The following WNK2 variants were observed in gnomAD, a reference collection of about 807,000 sequenced individuals.
WNK2 encodes the protein WNK lysine deficient protein kinase 2, also known as serine/threonine-protein kinase WNK2.
WNK2 carries 67 observed loss-of-function variants against 192.1 expected under a neutral mutation model. The ratio of observed to expected loss-of-function variants is 0.35; its 90% CI spans 0.29 to 0.43. WNK2 has a LOEUF of 0.43. WNK2 is among the 20% of genes least tolerant of loss of function. The pLI, the probability that WNK2 is intolerant of heterozygous loss-of-function variation, is 1.00. For missense variants in WNK2, 2,698 were observed against 3,089.7 expected (o/e 0.87, Z 3.01); for synonymous variants, 1,439 against 1,393.9 (o/e 1.03, Z -0.72).
chr9:93,249,787 T>G (rs2132555566), intron 8 of WNK2, among the ~76,000 whole-genome samples: 1 of 152,204 alleles, frequency 6.6e-6, no homozygotes, highest in South Asian at 2.1e-4. Flanking sequence ...CAAAAACACT[T>G]TTACTTGTTC....
intron 16 of WNK2, among the ~76,000 whole-genome samples, chr9:93,265,737 G>A (rs1332473975): frequency 2.0e-5 from 3 of 152,232 alleles, no homozygotes; most frequent in Admixed American, 6.5e-5. Context: ...TGCGGCTGAC[G>A]CTTCCAGTGC....
At chr9:93,281,455 C>G (rs1417157036) in intron 19 of WNK2, among the ~76,000 whole-genome samples, 1 of 151,912 alleles carries the variant, frequency 6.6e-6, no homozygotes, top group African/African-American at 2.4e-5. Context: ...TTGTACACTG[C>G]CAGAGAGAGA....
chr9:93,307,037 T>G, intron 27 of WNK2: 2 of 612,690 alleles, frequency 3.3e-6, no homozygotes, highest in Non-Finnish European at 5.8e-6. Context: ...CTAGAGTTTG[T>G]GCGGTCTCGC....
intron 2 of WNK2, among the ~76,000 whole-genome samples, chr9:93,211,737 A>C (rs945679280): frequency 2.6e-5 from 4 of 151,894 alleles, no homozygotes; most frequent in Non-Finnish European, 5.9e-5. Flanking sequence ...TTACTCATCC[A>C]GTCACTCATA....
intron 2 of WNK2, among the ~76,000 whole-genome samples, chr9:93,220,919 T>G (rs1467295077): frequency 6.6e-6 from 1 of 152,230 alleles, no homozygotes; most frequent in Non-Finnish European, 1.5e-5. Flanking sequence ...CTTCTTTATC[T>G]TGGCCTTCAT....
intron 12 of WNK2, 60 bp from the exon 13 acceptor site, chr9:93,261,753 AC>A (rs1184815390): frequency 1.3e-6 from 2 of 1,532,948 alleles, no homozygotes; most frequent in Non-Finnish European, 1.8e-6. Flanking sequence ...ACACCTGGGC[AC>A]GGCCCCCTCA....
chr9:93,236,608 C>T lies in WNK2; in HGVS notation c.1234-1625C>T, dbSNP rs760293351. ...GCAGATTGCAAGCAGCACCTGGCCC[C>T]GCCCTGCTGCTTCTGAGTCCGGTTG... On this transcript the variant is annotated intron_variant, in intron 5 of 29. Transcript: ENST00000427277. Among the ~76,000 whole-genome samples the T allele has an allele frequency of 1.4e-4, 22 of 152,358 alleles. No homozygotes were observed. The South Asian group carries it at 2.7e-3, about 19-fold the overall frequency.
At chr9:93,221,067 G>A (rs963272258) in intron 2 of WNK2, among the ~76,000 whole-genome samples, 20 of 152,208 alleles carry the variant, frequency 1.3e-4, no homozygotes, top group Admixed American at 5.2e-4. Context: ...GGTGGGGAGG[G>A]CTCCTGCAGC....
chr9:93,293,133 G>T lies in WNK2; in HGVS notation c.5668G>T (p.Asp1890Tyr). 5 of 1,571,540 alleles carry T rather than the reference G, an allele frequency of 3.2e-6. No homozygotes were observed. The South Asian group carries it at 5.9e-5, about 19-fold the overall frequency. Residue 1890 changes from aspartate (D) to tyrosine (Y), a missense_variant, in exon 23 of 30, where the codon GAT becomes TAT. Around this residue, in one of 7 missense-constraint regions of WNK2, gnomAD observed 1,098 missense variants for 1,101.0 expected, o/e 1.00. Coordinates refer to ENST00000427277, the MANE Select transcript of WNK2 (RefSeq NM_006648.4). ...CAGCGACAATGATTCGGAGCTCGAG[G>T]ATGCTGACATAAAGAAGGAGCTGCA... ...ISSDNDSELE[D>Y]ADIKKELQSL...
In WNK2 at chr9:93,185,079, C is replaced by G. The variant is rs1488532885; in HGVS notation, c.150C>G (p.Asp50Glu). Residue 50 changes from aspartate to glutamate, a missense_variant, in exon 2 of 30, where the codon GAC (aspartate) becomes GAG (glutamate). Asp to Glu is a conservative substitution (Grantham distance 45). Transcript: ENST00000427277. ...TGCGGCGCAGCGTGGTAGAGTCGGA[C>G]CAGGAGGAGCCGCCGGGCTTGGAGG... is the stretch of plus-strand genomic sequence containing the variant. Reference protein sequence around the residue: ...RFLRRSVVESDQEEPPGLEAA... With the variant: ...RFLRRSVVESEQEEPPGLEAA... 8 of 1,315,052 alleles carry G rather than the reference C, an allele frequency of 6.1e-6. No homozygotes were observed. Among genetic ancestry groups the G allele is most frequent in the Non-Finnish European group, 9.7e-7 (1 of 1,029,414 alleles). 81.5% of individuals were successfully genotyped at this position (1,315,052 alleles called of 1,614,324 possible).
At chr9:93,266,303 T>G (rs1377820732) in intron 16 of WNK2, among the ~76,000 whole-genome samples, 1 of 152,246 alleles carries the variant, frequency 6.6e-6, no homozygotes, top group Non-Finnish European at 1.5e-5. Context: ...ATTCTGACCA[T>G]GACGACCTTG....
At chr9:93,303,419 C>T (rs2134154746) in intron 26 of WNK2, among the ~76,000 whole-genome samples, 1 of 152,344 alleles carries the variant, frequency 6.6e-6, no homozygotes, top group Non-Finnish European at 1.5e-5. Context: ...TGGGTTTTCT[C>T]CACATTGGCT....
intron 26 of WNK2, among the ~76,000 whole-genome samples, chr9:93,305,531 G>A (rs1282923218): frequency 6.6e-6 from 1 of 152,162 alleles, no homozygotes; most frequent in Non-Finnish European, 1.5e-5. Context: ...AGTAAAGTCT[G>A]CAACAGAACA....
At chr9:93,234,202 C>T (rs1839415122) in intron 4 of WNK2, among the ~76,000 whole-genome samples, 1 of 152,190 alleles carries the variant, frequency 6.6e-6, no homozygotes, top group Admixed American at 6.5e-5. Flanking sequence ...ACATACAGTT[C>T]CCATCTTAGC....
chr9:93,211,054 TCATA>T (rs1262635475), intron 2 of WNK2, among the ~76,000 whole-genome samples: 1 of 151,654 alleles, frequency 6.6e-6, no homozygotes, highest in African/African-American at 2.4e-5. Context: ...ATTCCCTCAC[TCATA>T]CATTCACTCA....
intron 2 of WNK2, among the ~76,000 whole-genome samples, chr9:93,221,546 C>T (rs565232684): frequency 1.3e-5 from 2 of 152,178 alleles, no homozygotes; most frequent in Admixed American, 6.5e-5. Flanking sequence ...CCATGGACAC[C>T]CCAAGTAATT....
chr9:93,238,338 G>A lies in WNK2; in HGVS notation c.1322+17G>A. On this transcript the variant is annotated intron_variant, in intron 6 of 29. Coordinates refer to ENST00000427277, the MANE Select transcript of WNK2 (RefSeq NM_006648.4). The stretch of plus-strand genomic sequence containing the variant: ...GGAGGAAAGGTGAGTTCCCCTGAAG[G>A]GCTGGGTTCTGGGGTCCATCTCCAG... 2.5e-6 allele frequency: 4 copies of A among 1,608,450 alleles called. No individual in the cohort carries two copies. In the South Asian group the frequency reaches 3.3e-5, roughly 13 times the overall value.
intron 7 of WNK2, among the ~76,000 whole-genome samples, chr9:93,240,659 G>A (rs1840613225): frequency 6.6e-6 from 1 of 152,134 alleles, no homozygotes; most frequent in Non-Finnish European, 1.5e-5. Context: ...TCCAGGTGCA[G>A]TGGTAGGAGG....
At chr9:93,201,327 G>A (rs1402853080) in intron 2 of WNK2, among the ~76,000 whole-genome samples, 1 of 152,266 alleles carries the variant, frequency 6.6e-6, no homozygotes, top group Non-Finnish European at 1.5e-5. Context: ...GGAGGAGCAG[G>A]GGGAGTGGGG....
Sources: allele counts gnomAD v4.1 joint callset (sites outside exome capture counted in the v4.1 genomes callset), GRCh38; gene constraint gnomAD v4.1.1; regional missense constraint gnomAD v4.1.1; transcripts MANE v1.5; gene names NCBI Gene and HGNC (gene_info 2026-07-23, HGNC 2026-07-21).